Variants in CHD5 observed in about 807,000 individuals in gnomAD.
CHD5 encodes the protein chromodomain helicase DNA binding protein 5, also known as ATP-dependent chromatin remodeler CHD5.
In CHD5, 69 loss-of-function variants were observed where a neutral mutation model predicts 230.3. The observed-to-expected ratio is 0.30, with a 90% CI of 0.25 to 0.37. CHD5 has a LOEUF of 0.37. Ranked by LOEUF, CHD5 falls within the 10% of genes least tolerant of loss-of-function variation. The probability of loss-of-function intolerance (pLI) is 1.00; values close to 1 mark genes in which losing one functional copy is unlikely to be tolerated. For synonymous variants in CHD5, 1,064 were observed against 1,065.9 expected (o/e 1.00, Z 0.03); for missense variants, 1,827 against 2,622.8 (o/e 0.70, Z 6.63).
At chr1:6,163,063 G>A (rs1667202194) in intron 2 of CHD5, among the ~76,000 whole-genome samples, 2 of 152,220 alleles carry the variant, frequency 1.3e-5, no homozygotes, top group Non-Finnish European at 2.9e-5. Context: ...GCTGGCAGAA[G>A]GCCATGAGCC....
intron 30 of CHD5, 95 bp downstream of exon 30, chr1:6,124,422 C>T (rs1418381941): frequency 3.0e-5 from 43 of 1,415,152 alleles, no homozygotes; most frequent in South Asian, 3.5e-5. Context: ...GTGGCCTGAA[C>T]CAGGCACTTG....
At chr1:6,153,667 T>G (rs1373168052) in intron 5 of CHD5, among the ~76,000 whole-genome samples, 1 of 152,026 alleles carries the variant, frequency 6.6e-6, no homozygotes, top group Non-Finnish European at 1.5e-5. Context: ...CCGTCTCTAC[T>G]AAAAATACAA....
intron 33 of CHD5, among the ~76,000 whole-genome samples, chr1:6,118,515 C>T (rs1294346844): frequency 6.6e-6 from 1 of 151,728 alleles, no homozygotes; most frequent in Non-Finnish European, 1.5e-5. Context: ...ATGAAATGTT[C>T]AGAATAGGCC....
chr1:6,121,673 C>T lies in CHD5; in HGVS notation c.4700-100G>A, dbSNP rs1439693235. 5 of 778,920 alleles carry T rather than the reference C, an allele frequency of 6.4e-6. No individual in the cohort carries two copies. The East Asian group carries it at 1.1e-4, about 17-fold the overall frequency. The allele number at this position is 778,920 out of a possible 1,614,324, so 48.3% of individuals were successfully genotyped here. ...AGAGGAGAGATGGGGGCTTGGCCTT[C>T]GGGAGGCTCCACTGCAGCCAAGCAC... is the stretch of plus-strand genomic sequence containing the variant. On this transcript the variant is annotated intron_variant, in intron 31 of 41. Transcript: ENST00000262450. The surrounding 1 kb of genome is among the most constrained non-coding windows in gnomAD (Gnocchi z 4.5).
intron 2 of CHD5, among the ~76,000 whole-genome samples, chr1:6,162,836 G>A (rs1235466985): frequency 6.6e-6 from 1 of 152,228 alleles, no homozygotes; most frequent in African/African-American, 2.4e-5. Context: ...GGTACAGAGG[G>A]AGCAGGACCT....
Position 6,152,452 on chromosome 1 carries a change from C to T in CHD5, c.830G>A (p.Arg277His), listed in dbSNP as rs777905560. 28 of 1,614,048 alleles carry T rather than the reference C, an allele frequency of 1.7e-5. No homozygotes were observed. Among genetic ancestry groups the T allele is most frequent in the South Asian group, 5.5e-5 (5 of 91,086 alleles). The change falls in exon 6 of 42, where the codon CGC (arginine) becomes CAC (histidine). Residue 277 changes from arginine to histidine, a missense_variant. Arg to His is a conservative substitution (Grantham distance 29). Transcript: ENST00000262450. ...CCTCTTGTTGCTGATCCCCCCGAAG[C>T]GGAACTTGAGCCCGGCCGTCTTTTT... Reference protein sequence around the residue: ...KGKKTAGLKFRFGGISNKRKK... With the variant: ...KGKKTAGLKFHFGGISNKRKK...
At position 6,106,616 on chromosome 1, in the gene CHD5, C is replaced by T. The variant is rs1478758359; in HGVS notation, c.5742G>A (p.Gln1914=). Residue 1914 remains glutamine (Q), a splice_region_variant and synonymous_variant, in exon 39 of 42, where the codon CAG becomes CAA. Coordinates refer to ENST00000262450, the MANE Select transcript of CHD5 (RefSeq NM_015557.3). ...TNRAGDPTIQ[Q]GAFGSSQMYS... ...CCGGGGCACACAGGCCGAGCCTGAC[C>T]TGCTGGATGGTGGGGTCCCCGGCGC... 6.4e-7 allele frequency: 1 copy of T among 1,569,622 alleles called. No homozygotes were observed. Among genetic ancestry groups the T allele is most frequent in the South Asian group, 1.2e-5 (1 of 85,556 alleles).
chr1:6,123,223 G>A (rs921952299), intron 31 of CHD5, among the ~76,000 whole-genome samples: 2 of 152,142 alleles, frequency 1.3e-5, no homozygotes, highest in African/African-American at 4.8e-5. Flanking sequence ...CCCACGCACT[G>A]TGCAGTGCCA....
chr1:6,125,137 C>A lies in CHD5; in HGVS notation c.4357G>T (p.Val1453Leu). Residue 1453 changes from valine (V) to leucine (L), a missense_variant, in exon 29 of 42, where the codon GTG (valine) becomes TTG (leucine). Transcript: ENST00000262450. The surrounding 1 kb of genome is among the most constrained non-coding windows in gnomAD (Gnocchi z 6.7). Reference protein sequence around the residue: ...PQDAFNSHWLVRDLRGKSEKE... With the variant: ...PQDAFNSHWLLRDLRGKSEKE... The stretch of plus-strand genomic sequence containing the variant: ...TCGCTCTTCCCTCGAAGGTCCCGCA[C>A]CAGCCAGTGGGAGTTGAAGGCGTCC... 1 of 1,604,692 alleles carries A rather than the reference C, an allele frequency of 6.2e-7. No homozygotes were observed.
chr1:6,110,377 C>T lies in CHD5; in HGVS notation c.5382+17G>A, dbSNP rs747638336. ...CCCTCCCTGCCCCGTGCAGCCCTGGCCCTTCAGAAGACAGACCTTAAACCT... is the reference window on the plus strand; with the variant it reads ...CCCTCCCTGCCCCGTGCAGCCCTGGTCCTTCAGAAGACAGACCTTAAACCT... On this transcript the variant is annotated intron_variant, in intron 37 of 41. Coordinates refer to ENST00000262450, the MANE Select transcript of CHD5 (RefSeq NM_015557.3). 1.9e-6 allele frequency: 3 copies of T among 1,613,698 alleles called. No homozygotes were observed. The highest frequency in any genetic ancestry group is 2.5e-6 in the Non-Finnish European group (3 of 1,179,968).
At chr1:6,179,878 G>GA in intron 1 of CHD5, 67 bp downstream of exon 1, 6 of 765,154 alleles carry the variant, frequency 7.8e-6, no homozygotes, top group Non-Finnish European at 8.9e-6. Context: ...CCCGCGCTCC[G>GA]CCCTGGGCCC....
In CHD5 at chr1:6,131,155, G is replaced by A. The variant is rs1266247680; in HGVS notation, c.3262+476C>T. ...GCTACAGGAGGAACTCCACCGGCAA[G>A]ACCCTCCTGACCTCCACCCTCGCCT... On this transcript the variant is annotated intron_variant, in intron 21 of 41. Coordinates refer to ENST00000262450, the MANE Select transcript of CHD5 (RefSeq NM_015557.3). This position sits in a 1 kb window ranked among gnomAD's most constrained non-coding sequence, Gnocchi z 5.0. 2.0e-5 allele frequency among the ~76,000 whole-genome samples: 3 copies of A among 152,244 alleles called. No homozygotes were observed. The highest frequency in any genetic ancestry group is 4.4e-5 in the Non-Finnish European group (3 of 68,048).
At chr1:6,133,260 G>A (rs982363296) in intron 20 of CHD5, among the ~76,000 whole-genome samples, 4 of 152,276 alleles carry the variant, frequency 2.6e-5, no homozygotes, top group East Asian at 3.9e-4. Flanking sequence ...CTTGCGTCTC[G>A]TGTTGGTACC....
Position 6,177,365 on chromosome 1 carries a change from C to T in CHD5, c.79+2580G>A, listed in dbSNP as rs1458450954. Among the ~76,000 whole-genome samples, 3 of 152,172 alleles carry T rather than the reference C, an allele frequency of 2.0e-5. No homozygotes were observed. The East Asian group carries it at 5.8e-4, about 29-fold the overall frequency. Reference sequence around the variant, plus strand: ...TCTTCACAGCCAGAAGCTGGGGTGACCTAGAGAGTCCCAGCCCTCAGACAC... The same window carrying T: ...TCTTCACAGCCAGAAGCTGGGGTGATCTAGAGAGTCCCAGCCCTCAGACAC... On this transcript the variant is annotated intron_variant, in intron 1 of 41. Coordinates refer to ENST00000262450, the MANE Select transcript of CHD5 (RefSeq NM_015557.3).
intron 33 of CHD5, among the ~76,000 whole-genome samples, chr1:6,115,010 T>C (rs557120683): frequency 3.0e-5 from 4 of 134,892 alleles, no homozygotes; most frequent in Admixed American, 7.3e-5. Context: ...CGAGACTCCA[T>C]CTCAAAAAAA....
chr1:6,162,667 C>G (rs899590862), intron 2 of CHD5, among the ~76,000 whole-genome samples: 3 of 152,164 alleles, frequency 2.0e-5, no homozygotes, highest in African/African-American at 7.2e-5. Flanking sequence ...CCAGAAAATG[C>G]CCAAACAACC....
chr1:6,126,520 C>A lies in CHD5; in HGVS notation c.4078+52G>T, dbSNP rs1666561346. On this transcript the variant is annotated intron_variant, in intron 26 of 41. Coordinates refer to ENST00000262450, the MANE Select transcript of CHD5 (RefSeq NM_015557.3). The surrounding 1 kb of genome is among the most constrained non-coding windows in gnomAD (Gnocchi z 5.7). ...AGGGATGCCCTGACAGAATCCTGCC[C>A]CACCCTCCGCCTCTGGGTGAGGGGC... 6.4e-7 allele frequency: 1 copy of A among 1,559,410 alleles called. No homozygotes were observed. The highest frequency in any genetic ancestry group is 1.7e-5 in the Admixed American group (1 of 59,874).
Position 6,126,054 on chromosome 1 carries a change from G to A in CHD5, c.4079-196C>T, listed in dbSNP as rs145766711. Among the ~76,000 whole-genome samples the A allele has an allele frequency of 1.9e-3, 288 of 152,254 alleles. 2 individuals are homozygous for A. The highest frequency in any genetic ancestry group is 6.7e-3 in the African/African-American group (279 of 41,540). ...ACGTTATACACTAAGGGTACCATGT[G>A]TACCCACACATTACACATACTGTGT... On this transcript the variant is annotated intron_variant, in intron 26 of 41. Coordinates refer to ENST00000262450, the MANE Select transcript of CHD5 (RefSeq NM_015557.3). This position sits in a 1 kb window ranked among gnomAD's most constrained non-coding sequence, Gnocchi z 5.7.
chr1:6,123,217 C>T lies in CHD5; in HGVS notation c.4699+731G>A, dbSNP rs560889145. ...GACAGAAGCCAGACAGAAAGGCCCA[C>T]GCACTGTGCAGTGCCATATACACGA... On this transcript the variant is annotated intron_variant, in intron 31 of 41. Transcript: ENST00000262450. Among the ~76,000 whole-genome samples the T allele has an allele frequency of 5.9e-5, 9 of 152,194 alleles. No homozygotes were observed. The East Asian group carries it at 7.7e-4, about 13-fold the overall frequency.
Sources: allele counts gnomAD v4.1 joint callset (sites outside exome capture counted in the v4.1 genomes callset), GRCh38; gene constraint gnomAD v4.1.1; non-coding constraint Gnocchi (gnomAD v3.1); transcripts MANE v1.5; gene names NCBI Gene and HGNC (gene_info 2026-07-23, HGNC 2026-07-21).